CAND1: variants seen among roughly 807,000 people sequenced by gnomAD.
The protein encoded by CAND1 is cullin-associated NEDD8-dissociated protein 1.
In CAND1, 7 loss-of-function variants were observed where a neutral mutation model predicts 108.5. The ratio of observed to expected loss-of-function variants is 0.06; its 90% CI spans 0.04 to 0.12. The LOEUF is 0.12. CAND1 is among the 10% of genes least tolerant of loss of function. CAND1 has a pLI of 1.00. For missense variants in CAND1, 941 were observed against 1,448.7 expected (o/e 0.65, Z 5.69); for synonymous variants, 534 against 512.0 (o/e 1.04, Z -0.58).
rs561441612 is a variant in CAND1 at position 67,277,807 on chromosome 12, A to AT, written c.69-4094dup. Among the ~76,000 whole-genome samples the AT allele has an allele frequency of 9.2e-5, 14 of 151,578 alleles. 1 individual carries two copies. Among genetic ancestry groups the AT allele is most frequent in the South Asian group, 2.1e-4 (1 of 4,802 alleles). Reference sequence around the variant, plus strand: ...GAATAATGAGAATCAACTGTATGTCATTTTTTTTTCCATCTTCATTGATTG... The same window carrying AT: ...GAATAATGAGAATCAACTGTATGTCATTTTTTTTTTCCATCTTCATTGATTG... On this transcript the variant is annotated intron_variant, in intron 1 of 14. Coordinates refer to ENST00000545606, the MANE Select transcript of CAND1 (RefSeq NM_018448.5).
rs2044561148 is a variant in CAND1 at position 67,275,519 on chromosome 12, G to C, written c.68+5734G>C. ...GTGGCCTGGGTGACAGAGGGAGACT[G>C]TCTCAAAAAGAAAAAAAAAAAAACT... On this transcript the variant is annotated intron_variant, in intron 1 of 14. Transcript: ENST00000545606. Among the ~76,000 whole-genome samples the C allele has an allele frequency of 3.3e-5, 5 of 150,834 alleles. No individual in the cohort carries two copies. In the South Asian group the frequency reaches 1.0e-3, roughly 31 times the overall value.
In CAND1 at chr12:67,313,231, A is replaced by G. The variant is rs2044972031; in HGVS notation, c.*401A>G. The G allele has an allele frequency of 6.5e-6, 1 of 153,626 alleles. No homozygotes were observed. The highest frequency in any genetic ancestry group is 2.4e-5 in the African/African-American group (1 of 41,514). The allele number at this position is 153,626 out of a possible 1,614,324, so 9.5% of individuals were successfully genotyped here. A position where few individuals can be genotyped will look rare whatever the true frequency, so the allele number is the denominator to read the frequency against. On this transcript the variant is annotated 3_prime_UTR_variant, in exon 15 of 15. Transcript: ENST00000545606. ...CATTTAAAAATCAAAAATCTTGCAA[A>G]ACAAAAACCATGTTTCTTTTTCTTG...
Position 67,295,142 on chromosome 12 carries a change from T to C in CAND1, c.477T>C (p.Ala159=). ...SVQLEALDIM[A]DMLSRQGGLL... The stretch of plus-strand genomic sequence containing the variant: ...AGCTAGAAGCCTTGGATATTATGGC[T>C]GATATGTTGAGCAGGTAAGTGTGCC... Residue 159 remains alanine, a synonymous_variant, in exon 4 of 15, where the codon GCT becomes GCC. Transcript: ENST00000545606. The C allele has an allele frequency of 6.2e-7, 1 of 1,612,106 alleles. No individual in the cohort carries two copies. Among genetic ancestry groups the C allele is most frequent in the South Asian group, 1.1e-5 (1 of 90,862 alleles).
At position 67,305,362 on chromosome 12, in the gene CAND1, T is replaced by A. The variant is rs1341131199; in HGVS notation, c.1694T>A (p.Ile565Asn). The change falls in exon 10 of 15, where the codon ATC becomes AAC. Residue 565 changes from isoleucine (I) to asparagine (N), a missense_variant. This residue lies in a region of CAND1 where 697 missense variants were observed against 942.0 expected (regional missense o/e 0.74). Coordinates refer to ENST00000545606, the MANE Select transcript of CAND1 (RefSeq NM_018448.5). This position sits in a 1 kb window ranked among gnomAD's most constrained non-coding sequence, Gnocchi z 4.4. ...TCCTCGTTTGATGCAACTCCTTATA[T>A]CAAAGATCTATTTACCTGTACCATT... ...QPSSFDATPY[I>N]KDLFTCTIKR... 18 of 1,614,032 alleles carry A rather than the reference T, an allele frequency of 1.1e-5. 1 individual carries two copies. In the Admixed American group the frequency reaches 3.0e-4, roughly 27 times the overall value.
chr12:67,302,523 C>T lies in CAND1; in HGVS notation c.1201C>T (p.Leu401Phe), dbSNP rs1276547965. The change falls in exon 8 of 15, where the codon CTT (leucine) becomes TTT (phenylalanine). Residue 401 changes from leucine to phenylalanine, a missense_variant. Coordinates refer to ENST00000545606, the MANE Select transcript of CAND1 (RefSeq NM_018448.5). ...KADVFHAYLS[L>F]LKQTRPVQSW... ...AGATGTTTTTCACGCATACCTTTCT[C>T]TTTTGAAGCAAACTCGTCCTGTACA... 4 of 1,614,022 alleles carry T rather than the reference C, an allele frequency of 2.5e-6. No individual in the cohort carries two copies. The highest frequency in any genetic ancestry group is 2.5e-6 in the Non-Finnish European group (3 of 1,179,992).
intron 2 of CAND1, among the ~76,000 whole-genome samples, chr12:67,292,380 C>T (rs112315325): frequency 5.9e-5 from 9 of 152,108 alleles, no homozygotes; most frequent in African/African-American, 1.7e-4. Flanking sequence ...GGGTATGATA[C>T]GGAAAGCAGC....
intron 4 of CAND1, among the ~76,000 whole-genome samples, 179 bp downstream of exon 4, chr12:67,295,335 A>G (rs977187506): frequency 3.3e-5 from 5 of 152,236 alleles, no homozygotes; most frequent in Admixed American, 3.3e-4. Flanking sequence ...ACACTAACAT[A>G]TAAGTATATA....
At chr12:67,311,098 C>T (rs2044944262) in intron 13 of CAND1, 1 of 151,912 alleles carries the variant, frequency 6.6e-6, no homozygotes, top group Admixed American at 6.6e-5. Context: ...CCATACTACC[C>T]GAACTCCTAC....
chr12:67,286,092 C>G (rs1488587797), intron 2 of CAND1, among the ~76,000 whole-genome samples: 1 of 152,176 alleles, frequency 6.6e-6, no homozygotes, highest in Non-Finnish European at 1.5e-5. Flanking sequence ...ACTGCAAGCT[C>G]TGCCTCCCGG....
chr12:67,283,651 T>TAA (rs1463764681), intron 2 of CAND1, among the ~76,000 whole-genome samples: 2 of 152,138 alleles, frequency 1.3e-5, no homozygotes, highest in African/African-American at 4.8e-5. Context: ...ATTCTTTATC[T>TAA]TTTAATATCT....
At chr12:67,298,759 A>G (rs995247846) in intron 6 of CAND1, among the ~76,000 whole-genome samples, 191 bp from the exon 7 acceptor site, 1 of 152,196 alleles carries the variant, frequency 6.6e-6, no homozygotes, top group Non-Finnish European at 1.5e-5. Context: ...AATTGATTAA[A>G]TAAGTACAAT....
At position 67,306,144 on chromosome 12, in the gene CAND1, A is replaced by G; in HGVS notation, c.2476A>G (p.Lys826Glu). The change falls in exon 10 of 15, where the codon AAG becomes GAG. Residue 826 changes from lysine (K) to glutamate (E), a missense_variant. Lys to Glu is a moderately conservative substitution (Grantham distance 56). Around this residue, in one of 9 missense-constraint regions of CAND1, gnomAD observed 697 missense variants for 942.0 expected, o/e 0.74. Coordinates refer to ENST00000545606, the MANE Select transcript of CAND1 (RefSeq NM_018448.5). ...AVVGQFIQDVKNSRSTDSIRL... is the reference protein window; with the variant it reads ...AVVGQFIQDVENSRSTDSIRL... Reference sequence around the variant, plus strand: ...AGTAGGTCAGTTTATTCAAGATGTCAAGAACTCAAGGTCTACAGATTCCAT... The same window carrying G: ...AGTAGGTCAGTTTATTCAAGATGTCGAGAACTCAAGGTCTACAGATTCCAT... 1 of 1,614,124 alleles carries G rather than the reference A, an allele frequency of 6.2e-7. No individual in the cohort carries two copies. The highest frequency in any genetic ancestry group is 1.1e-5 in the South Asian group (1 of 91,076).
Position 67,292,786 on chromosome 12 carries a change from A to T in CAND1, c.367+10A>T. ...CCTCCAGCTTCCAGTGGTAAGCAAG[A>T]GCACATTTTTCTTCCTATTTCTTTT... On this transcript the variant is annotated intron_variant, in intron 3 of 14. Transcript: ENST00000545606. 6.2e-7 allele frequency: 1 copy of T among 1,612,310 alleles called. No individual in the cohort carries two copies. The highest frequency in any genetic ancestry group is 8.5e-7 in the Non-Finnish European group (1 of 1,179,432).
In CAND1 at chr12:67,292,811, T is replaced by A. The variant is rs146082266; in HGVS notation, c.367+35T>A. 1,089 of 1,608,758 alleles carry A rather than the reference T, an allele frequency of 6.8e-4. 7 individuals carry two copies. The African/African-American group carries it at 0.012, about 18-fold the overall frequency. On this transcript the variant is annotated intron_variant, in intron 3 of 14. Coordinates refer to ENST00000545606, the MANE Select transcript of CAND1 (RefSeq NM_018448.5). ...AGCACATTTTTCTTCCTATTTCTTT[T>A]TGTGTGGAGGTATTTCTCCCCACCC...
intron 1 of CAND1, among the ~76,000 whole-genome samples, chr12:67,278,358 T>C (rs2044589163): frequency 6.6e-6 from 1 of 152,094 alleles, no homozygotes; most frequent in Non-Finnish European, 1.5e-5. Context: ...GGTTTCACCA[T>C]GTTGTCCAGG....
At chr12:67,288,758 G>T (rs1353387607) in intron 2 of CAND1, among the ~76,000 whole-genome samples, 1 of 152,182 alleles carries the variant, frequency 6.6e-6, no homozygotes, top group Non-Finnish European at 1.5e-5. Flanking sequence ...CATCAGGGTT[G>T]GTGAGATTCT....
intron 1 of CAND1, chr12:67,270,084 C>CT: frequency 2.5e-6 from 1 of 393,304 alleles, no homozygotes. Flanking sequence ...ATTCTTGCGT[C>CT]TCAGGTAGCG....
At chr12:67,312,268 A>G (rs1282248838) in intron 14 of CAND1, among the ~76,000 whole-genome samples, 2 of 152,088 alleles carry the variant, frequency 1.3e-5, no homozygotes, top group Admixed American at 1.3e-4. Context: ...AGAGTATAGC[A>G]AAGAATAGGG....
intron 1 of CAND1, among the ~76,000 whole-genome samples, chr12:67,271,923 G>A (rs2044524324): frequency 6.6e-6 from 1 of 152,162 alleles, no homozygotes; most frequent in Admixed American, 6.5e-5. Flanking sequence ...AGTTTAAACA[G>A]ACATTTAATA....
Sources: gnomAD v4.1 joint callset for allele counts (sites outside exome capture counted in the v4.1 genomes callset) on GRCh38, gnomAD v4.1.1 for gene constraint, gnomAD v4.1.1 regional missense constraint, Gnocchi (gnomAD v3.1) non-coding constraint, MANE v1.5 for transcripts, NCBI Gene and HGNC (gene_info 2026-07-23, HGNC 2026-07-21) for gene names.